The following MICU3 variants were observed in gnomAD, a reference collection of about 807,000 sequenced individuals.
The protein encoded by MICU3 is calcium uptake protein 3, mitochondrial.
MICU3 carries 62 observed loss-of-function variants against 66.5 expected under a neutral mutation model. The observed-to-expected ratio is 0.93, with a 90% CI of 0.76 to 1.15. The LOEUF (loss-of-function observed/expected upper bound fraction) is 1.15. Ranked by LOEUF, MICU3 falls within the 50% of genes most tolerant of loss-of-function variation. The probability of loss-of-function intolerance (pLI) is 0.00; values close to 1 mark genes in which losing one functional copy is unlikely to be tolerated. For synonymous variants in MICU3, 308 were observed against 240.7 expected (o/e 1.28, Z -2.59); for missense variants, 779 against 664.4 (o/e 1.17, Z -1.90).
intron 1 of MICU3, among the ~76,000 whole-genome samples, chr8:17,031,526 T>G (rs1312661060): frequency 6.6e-6 from 1 of 151,850 alleles, no homozygotes; most frequent in African/African-American, 2.4e-5. Context: ...TGACCTCAAG[T>G]TCCGCCTGCC....
downstream of MICU3, among the ~76,000 whole-genome samples, chr8:17,124,576 C>G (rs900124511): frequency 4.4e-4 from 67 of 151,954 alleles, no homozygotes; most frequent in Admixed American, 1.3e-3. Flanking sequence ...TCTCTCTGTT[C>G]AAGATTGTAT....
At chr8:17,081,401 A>T (rs578248546) in intron 4 of MICU3, among the ~76,000 whole-genome samples, 4 of 152,212 alleles carry the variant, frequency 2.6e-5, no homozygotes, top group Non-Finnish European at 4.4e-5. Context: ...AGAGTCGTAC[A>T]TTAGAAACTA....
downstream of MICU3, among the ~76,000 whole-genome samples, chr8:17,125,729 G>T (rs1005911898): frequency 3.9e-5 from 6 of 151,906 alleles, no homozygotes; most frequent in African/African-American, 1.5e-4. Context: ...TCTTCTCCTT[G>T]TGCATATAAC....
chr8:17,081,480 G>T (rs972201640), intron 4 of MICU3, among the ~76,000 whole-genome samples: 15 of 152,020 alleles, frequency 9.9e-5, no homozygotes, highest in African/African-American at 3.4e-4. Context: ...ATATATTTGA[G>T]AGCATAATGA....
intron 9 of MICU3, among the ~76,000 whole-genome samples, chr8:17,101,106 G>T (rs914277963): frequency 6.6e-6 from 1 of 151,630 alleles, no homozygotes; most frequent in African/African-American, 2.4e-5. Context: ...CCCTTTAATA[G>T]TTTGATATAT....
chr8:17,107,289 G>A (rs981808968), intron 11 of MICU3, among the ~76,000 whole-genome samples: 7 of 152,108 alleles, frequency 4.6e-5, no homozygotes, highest in Non-Finnish European at 1.0e-4. Flanking sequence ...GTAACTTCTG[G>A]GGAGAGACTG....
At position 17,028,920 on chromosome 8, in the gene MICU3, A is replaced by AT. The variant is rs143607732; in HGVS notation, c.381+1264dup. ...CAGCAAGGTAGGGAATTCAAGTAGT[A>AT]TTTTCTTTTCTTTCTTAAAATTAAT... On this transcript the variant is annotated intron_variant, in intron 1 of 14. Coordinates refer to ENST00000318063, the MANE Select transcript of MICU3 (RefSeq NM_181723.3). Among the ~76,000 whole-genome samples, 3,075 of 152,200 alleles carry AT rather than the reference A, an allele frequency of 0.02. 165 individuals are homozygous for AT. The East Asian group carries it at 0.22, about 11-fold the overall frequency.
At chr8:17,128,627 G>A in the MICU3 span, among the ~76,000 whole-genome samples, 3 of 152,244 alleles carry the variant, frequency 2.0e-5, no homozygotes, top group Middle Eastern at 3.4e-3. Context: ...AAACAACTAC[G>A]ACATTGCACA....
At chr8:17,118,277 T>G (rs1405478318) in intron 13 of MICU3, among the ~76,000 whole-genome samples, 1 of 152,188 alleles carries the variant, frequency 6.6e-6, no homozygotes, top group Non-Finnish European at 1.5e-5. Context: ...TTTTTAATTT[T>G]TATTTTTAAT....
intron 11 of MICU3, among the ~76,000 whole-genome samples, chr8:17,107,275 A>G (rs1234637681): frequency 6.6e-6 from 1 of 152,176 alleles, no homozygotes; most frequent in Admixed American, 6.5e-5. Flanking sequence ...TGAAGAGTGA[A>G]GAGGTAACTT....
At chr8:17,125,212 A>G (rs563259087), downstream of MICU3, among the ~76,000 whole-genome samples, 48 of 151,846 alleles carry the variant, frequency 3.2e-4, no homozygotes, top group African/African-American at 1.1e-3. Context: ...AAGATTTCCA[A>G]TTAGTCTTCT....
intron 1 of MICU3, among the ~76,000 whole-genome samples, chr8:17,030,475 C>T (rs904927626): frequency 6.6e-6 from 1 of 152,194 alleles, no homozygotes. Context: ...GTGCAGTAGT[C>T]TTCTGGCAGC....
intron 11 of MICU3, among the ~76,000 whole-genome samples, chr8:17,109,844 A>G (rs888024588): frequency 2.6e-5 from 4 of 152,212 alleles, no homozygotes; most frequent in African/African-American, 9.6e-5. Context: ...CATACTAACC[A>G]TGTAATGCAA....
intron 8 of MICU3, among the ~76,000 whole-genome samples, chr8:17,092,447 G>A (rs749659083): frequency 2.6e-5 from 4 of 151,590 alleles, no homozygotes; most frequent in Non-Finnish European, 4.4e-5. Context: ...TTTATATTAT[G>A]CCTGTTAAAT....
At chr8:17,080,778 T>C (rs1259136285) in intron 4 of MICU3, among the ~76,000 whole-genome samples, 1 of 152,104 alleles carries the variant, frequency 6.6e-6, no homozygotes, top group Non-Finnish European at 1.5e-5. Flanking sequence ...ACTCCTCTTC[T>C]CTTTGTTCTG....
intron 1 of MICU3, among the ~76,000 whole-genome samples, chr8:17,038,508 C>T (rs1036249552): frequency 6.6e-6 from 1 of 152,118 alleles, no homozygotes; most frequent in African/African-American, 2.4e-5. Context: ...ATTACCCAGT[C>T]TCGGGTATGT....
At chr8:17,118,261 G>T (rs1467711996) in intron 13 of MICU3, among the ~76,000 whole-genome samples, 1 of 151,524 alleles carries the variant, frequency 6.6e-6, no homozygotes, top group Admixed American at 6.6e-5. Context: ...ATTTACATTT[G>T]CCCTTTTTTT....
intron 1 of MICU3, among the ~76,000 whole-genome samples, chr8:17,053,693 T>C (rs1251971552): frequency 2.0e-5 from 3 of 152,206 alleles, no homozygotes; most frequent in Admixed American, 6.5e-5. Context: ...AATTATTACT[T>C]AATTTTTATG....
rs1585549690 is a variant in MICU3 at position 17,111,030 on chromosome 8, G to A, written c.1258-3063G>A. ...AGACATTTGGGCGATTTCTATCTTTGGCTGTTGTGAGTAGTGCTGCTGTGA... is the reference window on the plus strand; with the variant it reads ...AGACATTTGGGCGATTTCTATCTTTAGCTGTTGTGAGTAGTGCTGCTGTGA... On this transcript the variant is annotated intron_variant, in intron 11 of 14. Coordinates refer to ENST00000318063, the MANE Select transcript of MICU3 (RefSeq NM_181723.3). Among the ~76,000 whole-genome samples, 3 of 152,128 alleles carry A rather than the reference G, an allele frequency of 2.0e-5. No individual in the cohort carries two copies. The East Asian group carries it at 5.8e-4, about 29-fold the overall frequency.
Sources: gnomAD v4.1 joint callset for allele counts (sites outside exome capture counted in the v4.1 genomes callset) on GRCh38, gnomAD v4.1.1 for gene constraint, MANE v1.5 for transcripts, NCBI Gene and HGNC (gene_info 2026-07-23, HGNC 2026-07-21) for gene names.